The following RNF10 variants were observed in gnomAD, a reference collection of about 807,000 sequenced individuals.
RNF10 encodes the protein ring finger protein 10.
In RNF10, 38 loss-of-function variants were observed where a neutral mutation model predicts 91.4. That is an observed-to-expected ratio of 0.42 (90% CI 0.32 to 0.54). The LOEUF (loss-of-function observed/expected upper bound fraction) is 0.54. Ranked by LOEUF, RNF10 falls within the 20% of genes least tolerant of loss-of-function variation. The pLI, the probability that RNF10 is intolerant of heterozygous loss-of-function variation, is 0.16. For synonymous variants in RNF10, 364 were observed against 366.3 expected, an observed-to-expected ratio of 0.99 and a Z score of 0.07; for missense variants, 945 against 1,012.0, an observed-to-expected ratio of 0.93 and a Z score of 0.90.
At chr12:120,569,178 A>C (rs1301604844) in intron 13 of RNF10, among the ~76,000 whole-genome samples, 2 of 152,122 alleles carry the variant, frequency 1.3e-5, no homozygotes, top group African/African-American at 4.8e-5. Context: ...CATGTTGGTC[A>C]GGCTAGTCTC....
Position 120,566,910 on chromosome 12 carries a change from T to A in RNF10, c.1971T>A (p.Gly657=), listed in dbSNP as rs1189902461. The change falls in exon 13 of 17, where the codon GGT becomes GGA. Residue 657 remains glycine, a synonymous_variant. Transcript: ENST00000325954. ...SYTCSSDSAL[G]PTSTEGHGAL... ...CCTGCTCCTCTGATTCTGCTTTGGGTCCCACCAGCACCGAGGGCCATGGGG... is the reference window on the plus strand; with the variant it reads ...CCTGCTCCTCTGATTCTGCTTTGGGACCCACCAGCACCGAGGGCCATGGGG... 1.9e-6 allele frequency: 3 copies of A among 1,614,030 alleles called. No homozygotes were observed. The highest frequency in any genetic ancestry group is 2.5e-6 in the Non-Finnish European group (3 of 1,179,948).
chr12:120,568,338 C>A (rs1011056711), intron 13 of RNF10, among the ~76,000 whole-genome samples: 1 of 151,994 alleles, frequency 6.6e-6, no homozygotes, highest in Non-Finnish European at 1.5e-5. Flanking sequence ...TTCAAATGGG[C>A]CTTTAGCCTT....
intron 1 of RNF10, among the ~76,000 whole-genome samples, chr12:120,538,583 C>G (rs887385466): frequency 6.6e-6 from 1 of 152,054 alleles, no homozygotes; most frequent in African/African-American, 2.4e-5. Flanking sequence ...CAGTAAATAT[C>G]CTGTGAATAT....
At position 120,552,648 on chromosome 12, in the gene RNF10, G is replaced by C; in HGVS notation, c.504G>C (p.Arg168Ser). 1 of 1,614,056 alleles carries C rather than the reference G, an allele frequency of 6.2e-7. No individual in the cohort carries two copies. Among genetic ancestry groups the C allele is most frequent in the African/African-American group, 1.3e-5 (1 of 75,024 alleles). ...EGSGHGSWGKRNKWGHKPFNK... is the reference protein window; with the variant it reads ...EGSGHGSWGKSNKWGHKPFNK... ...GTGGACATGGTAGCTGGGGAAAGAGGAACAAGTGGGGACATAAGCCTTTTA... is the reference window on the plus strand; with the variant it reads ...GTGGACATGGTAGCTGGGGAAAGAGCAACAAGTGGGGACATAAGCCTTTTA... The change falls in exon 3 of 17, where the codon AGG (arginine) becomes AGC (serine). Residue 168 changes from arginine (R) to serine (S), a missense_variant. Arg to Ser is a moderately radical substitution (Grantham distance 110). Transcript: ENST00000325954.
At chr12:120,555,828 G>A (rs1054162854) in intron 4 of RNF10, among the ~76,000 whole-genome samples, 3 of 148,432 alleles carry the variant, frequency 2.0e-5, no homozygotes, top group African/African-American at 7.5e-5. Context: ...TTGCTCTGTC[G>A]CCCCAGCTGG....
At chr12:120,571,815 G>T (rs1876671514) in intron 14 of RNF10, among the ~76,000 whole-genome samples, 1 of 152,158 alleles carries the variant, frequency 6.6e-6, no homozygotes, top group Non-Finnish European at 1.5e-5. Context: ...TCTTCACTTT[G>T]AGAGGGGAAG....
intron 1 of RNF10, among the ~76,000 whole-genome samples, chr12:120,538,668 G>GA (rs1871165457): frequency 6.6e-6 from 1 of 152,202 alleles, no homozygotes; most frequent in African/African-American, 2.4e-5. Context: ...AGGCAAGAGA[G>GA]AAGGTAGGCC....
rs1877505397 is a variant in RNF10 at position 120,577,185 on chromosome 12, T to C, written c.*519T>C. 2 of 425,772 alleles carry C rather than the reference T, an allele frequency of 4.7e-6. No homozygotes were observed. The highest frequency in any genetic ancestry group is 9.4e-6 in the Non-Finnish European group (2 of 213,796). The allele number at this position is 425,772 out of a possible 1,614,324, so 26.4% of individuals were successfully genotyped here. A position where few individuals can be genotyped will look rare whatever the true frequency, so the allele number is the denominator to read the frequency against. On this transcript the variant is annotated 3_prime_UTR_variant, in exon 17 of 17. Coordinates refer to ENST00000325954, the MANE Select transcript of RNF10 (RefSeq NM_014868.5). ...TTAGGACACCCAGTTTGAATTGCAG[T>C]TTTTTTTTTTCTGACACATGGCCAG...
Position 120,534,868 on chromosome 12 carries a change from C to T in RNF10, c.57C>T (p.Ser19=), listed in dbSNP as rs763196486. ...AATASDMDKN[S]GSNSSSASSG... ...CCGCCTCCGACATGGACAAGAACAG[C>T]GGCTCCAACAGCTCCTCCGCCTCTT... Residue 19 remains serine (S), a synonymous_variant, in exon 1 of 17, where the codon AGC becomes AGT. Transcript: ENST00000325954. 12 of 1,608,074 alleles carry T rather than the reference C, an allele frequency of 7.5e-6. No homozygotes were observed. The highest frequency in any genetic ancestry group is 1.0e-5 in the Non-Finnish European group (12 of 1,179,586).
At chr12:120,565,733 A>C (rs571147877) in intron 12 of RNF10, among the ~76,000 whole-genome samples, 1 of 152,370 alleles carries the variant, frequency 6.6e-6, no homozygotes, top group South Asian at 2.1e-4. Flanking sequence ...GTAAGGATTA[A>C]GAGGAAATTC....
At chr12:120,553,167 T>C (rs950628622) in intron 3 of RNF10, among the ~76,000 whole-genome samples, 6 of 140,150 alleles carry the variant, frequency 4.3e-5, no homozygotes, top group African/African-American at 1.6e-4. Context: ...CACTGCAACC[T>C]CTGCCTCCCG....
chr12:120,535,100 G>A, intron 1 of RNF10, 132 bp downstream of exon 1: 3 of 1,010,992 alleles, frequency 3.0e-6, no homozygotes, highest in African/African-American at 1.7e-5. Context: ...CCTTTTCCAT[G>A]GCTCTCATTT....
intron 1 of RNF10, among the ~76,000 whole-genome samples, chr12:120,543,694 G>C (rs891194466): frequency 4.6e-5 from 7 of 152,168 alleles, no homozygotes; most frequent in Admixed American, 1.3e-4. Context: ...CAGCTACTTG[G>C]GGGGCTGAGG....
intron 12 of RNF10, 135 bp from the exon 13 acceptor site, chr12:120,566,690 A>T: frequency 1.2e-6 from 1 of 801,812 alleles, no homozygotes. Flanking sequence ...TGAGCCTGGG[A>T]GGCAGAGGAT....
Position 120,576,691 on chromosome 12 carries a change from C to T in RNF10, c.*25C>T. 1.3e-6 allele frequency: 2 copies of T among 1,592,328 alleles called. No individual in the cohort carries two copies. The highest frequency in any genetic ancestry group is 1.2e-5 in the South Asian group (1 of 86,452). On this transcript the variant is annotated 3_prime_UTR_variant, in exon 17 of 17. Transcript: ENST00000325954. The stretch of plus-strand genomic sequence containing the variant: ...ACACTACTGGCCCAGGCTACCTTCT[C>T]CATCTGGTTTTTGTTTTTGTTTTTT...
chr12:120,563,897 A>T lies in RNF10; in HGVS notation c.1619A>T (p.Lys540Met), dbSNP rs1405875477. 1 of 1,614,138 alleles carries T rather than the reference A, an allele frequency of 6.2e-7. No homozygotes were observed. The highest frequency in any genetic ancestry group is 8.5e-7 in the Non-Finnish European group (1 of 1,180,032). ...GGCAGCCTGGAGAGGAGCCCCGAGAAGATCTCAGCAACTGTGGTGGAGATT... is the reference window on the plus strand; with the variant it reads ...GGCAGCCTGGAGAGGAGCCCCGAGATGATCTCAGCAACTGTGGTGGAGATT... ...EYGSLERSPE[K>M]ISATVVEIAG... Residue 540 changes from lysine to methionine, a missense_variant, in exon 10 of 17, where the codon AAG becomes ATG. By Grantham distance (95) the Lys-to-Met change is moderately conservative. Transcript: ENST00000325954.
chr12:120,540,341 T>C (rs776365643), intron 1 of RNF10, among the ~76,000 whole-genome samples: 3 of 152,296 alleles, frequency 2.0e-5, no homozygotes, highest in Non-Finnish European at 4.4e-5. Flanking sequence ...CAAGTGATTC[T>C]GGTGTGCAGC....
chr12:120,538,051 C>G (rs1871091104), intron 1 of RNF10, among the ~76,000 whole-genome samples: 1 of 152,118 alleles, frequency 6.6e-6, no homozygotes, highest in African/African-American at 2.4e-5. Flanking sequence ...CCGCATAATC[C>G]CATAAAAAGA....
chr12:120,555,338 C>CTAT (rs1565955906), intron 4 of RNF10, among the ~76,000 whole-genome samples: 77 of 151,412 alleles, frequency 5.1e-4, no homozygotes, highest in African/African-American at 1.7e-3. Context: ...CCCGCCACCA[C>CTAT]GCCTGGCTAA....
Sources: gnomAD v4.1 joint callset for allele counts (sites outside exome capture counted in the v4.1 genomes callset) on GRCh38, gnomAD v4.1.1 for gene constraint, MANE v1.5 for transcripts, NCBI Gene and HGNC (gene_info 2026-07-23, HGNC 2026-07-21) for gene names.